Variants in TPCN2 observed in about 807,000 individuals in gnomAD.
The protein encoded by TPCN2 is two pore segment channel 2.
TPCN2 carries 92 observed loss-of-function variants against 111.4 expected under a neutral mutation model. The ratio of observed to expected loss-of-function variants is 0.83; its 90% CI spans 0.70 to 0.98. TPCN2 has a LOEUF of 0.98. TPCN2 is among the 50% of genes least tolerant of loss of function. The pLI, the probability that TPCN2 is intolerant of heterozygous loss-of-function variation, is 0.00. For synonymous variants in TPCN2, 405 were observed against 414.5 expected, an observed-to-expected ratio of 0.98 and a Z score of 0.28; for missense variants, 995 against 980.1, an observed-to-expected ratio of 1.02 and a Z score of -0.20.
At chr11:69,063,803 T>TTGGGCGCTCCTGTCAC in intron 6 of TPCN2, 92 bp from the exon 7 acceptor site, 1 of 1,262,980 alleles carries the variant, frequency 7.9e-7, no homozygotes, top group Non-Finnish European at 1.1e-6. Context: ...CTGCAGACTC[T>TTGGGCGCTCCTGTCAC]TGGGCGCTCC....
chr11:69,077,092 C>T (rs1019501760), intron 13 of TPCN2, among the ~76,000 whole-genome samples: 48 of 2,822 alleles, frequency 0.017, no homozygotes, highest in Non-Finnish European at 0.033. Flanking sequence ...GCCCTCCTGC[C>T]ATGTCCCTCC....
Position 69,070,485 on chromosome 11 carries a change from C to T in TPCN2, c.885C>T (p.Phe295=), listed in dbSNP as rs1259538361. The part of the protein sequence containing the change: ...NRAYAIFFIV[F]TVIGSLFLMN... ...CCTATGCCATCTTCTTCATAGTCTT[C>T]ACTGTGATAGGTGAGTGCAGGTAAC... The change falls in exon 9 of 25, where the codon TTC becomes TTT. Residue 295 remains phenylalanine (F), a synonymous_variant. Transcript: ENST00000294309. The T allele has an allele frequency of 1.2e-6, 2 of 1,608,192 alleles. No individual in the cohort carries two copies.
intron 5 of TPCN2, among the ~76,000 whole-genome samples, chr11:69,059,598 A>G (rs192066352): frequency 9.1e-4 from 139 of 152,058 alleles, no homozygotes; most frequent in Non-Finnish European, 1.6e-3. Flanking sequence ...AGGCTCTGGG[A>G]CCCTTCCTAC....
chr11:69,079,253 C>A (rs771354268), intron 16 of TPCN2: 1 of 558,646 alleles, frequency 1.8e-6, no homozygotes, highest in Non-Finnish European at 3.1e-6. Flanking sequence ...GGGGGGCAGG[C>A]TGCCCCTCCC....
intron 24 of TPCN2, among the ~76,000 whole-genome samples, chr11:69,087,419 T>C (rs1214332862): frequency 1.3e-5 from 2 of 152,188 alleles, no homozygotes; most frequent in African/African-American, 4.8e-5. Context: ...GCCTTTGTCC[T>C]GCTCTCCTGC....
At chr11:69,073,459 G>T (rs1164686128) in intron 13 of TPCN2, among the ~76,000 whole-genome samples, 2 of 152,258 alleles carry the variant, frequency 1.3e-5, no homozygotes, top group African/African-American at 4.8e-5. Flanking sequence ...CACAGGCAGT[G>T]TGGGGGCAGC....
At chr11:69,085,144 T>A (rs1426037968) in intron 19 of TPCN2, 66 bp from the exon 20 acceptor site, 5 of 1,439,660 alleles carry the variant, frequency 3.5e-6, no homozygotes, top group Non-Finnish European at 4.9e-6. Flanking sequence ...CGGTTCTGTC[T>A]GGGGAGGGTG....
chr11:69,079,208 T>C lies in TPCN2; in HGVS notation c.1539+188T>C, dbSNP rs954835415. On this transcript the variant is annotated intron_variant, in intron 16 of 24. Coordinates refer to ENST00000294309, the MANE Select transcript of TPCN2 (RefSeq NM_139075.4). ...CTCAGTGGGCAGCCGGTGAGGTCTT[T>C]AGGAGGCTGGGTTTCTACTGCATCC... 10 of 713,296 alleles carry C rather than the reference T, an allele frequency of 1.4e-5. No homozygotes were observed. The Admixed American group carries it at 1.6e-4, about 11-fold the overall frequency. The allele number at this position is 713,296 out of a possible 1,614,324, so 44.2% of individuals were successfully genotyped here. A position where few individuals can be genotyped will look rare whatever the true frequency, so the allele number is the denominator to read the frequency against.
Position 69,083,990 on chromosome 11 carries a change from A to T in TPCN2, c.1735A>T (p.Met579Leu). The change falls in exon 19 of 25, where the codon ATG becomes TTG. Residue 579 changes from methionine to leucine, a missense_variant. Met to Leu is a conservative substitution (Grantham distance 15). Transcript: ENST00000294309. ...ASTVLGLVQN[M>L]RAFGGILVVV... is the part of the protein sequence containing the mutation. ...TACCGTCCTGGGCCTGGTGCAGAAC[A>T]TGCGTGCGTTTGGCGGGATCCTGGT... The T allele has an allele frequency of 6.2e-7, 1 of 1,614,082 alleles. No individual in the cohort carries two copies. The highest frequency in any genetic ancestry group is 1.1e-5 in the South Asian group (1 of 91,084).
At chr11:69,061,690 A>C (rs968844976) in intron 5 of TPCN2, among the ~76,000 whole-genome samples, 1 of 151,796 alleles carries the variant, frequency 6.6e-6, no homozygotes, top group African/African-American at 2.4e-5. Flanking sequence ...CCCAGTGGCC[A>C]GGAGGGGAGG....
intron 5 of TPCN2, 58 bp from the exon 6 acceptor site, chr11:69,062,826 C>A: frequency 6.6e-7 from 1 of 1,525,244 alleles, no homozygotes; most frequent in South Asian, 1.1e-5. Context: ...CTGGGATGGT[C>A]GGTGAGGGGT....
chr11:69,064,427 G>A (rs913530264), intron 7 of TPCN2, among the ~76,000 whole-genome samples: 1 of 152,048 alleles, frequency 6.6e-6, no homozygotes, highest in Non-Finnish European at 1.5e-5. Context: ...AGCCCCCAAG[G>A]CTGCGCTGGC....
intron 2 of TPCN2, chr11:69,054,309 G>A (rs763079371): frequency 2.1e-4 from 125 of 591,210 alleles, no homozygotes; most frequent in South Asian, 1.5e-3. Context: ...TTGATGCACC[G>A]TGTTCTGAGG....
chr11:69,072,879 G>A (rs1416489167), intron 12 of TPCN2, 36 bp from the exon 13 acceptor site: 7 of 1,579,134 alleles, frequency 4.4e-6, no homozygotes, highest in African/African-American at 2.7e-5. Flanking sequence ...TCACCTTCCC[G>A]TGCGCCCCTG....
intron 13 of TPCN2, among the ~76,000 whole-genome samples, chr11:69,074,748 T>G (rs1034518611): frequency 6.6e-6 from 1 of 152,192 alleles, no homozygotes; most frequent in African/African-American, 2.4e-5. Context: ...ATAACTGATA[T>G]GACTAAAGGG....
Position 69,055,364 on chromosome 11 carries a change from G to A in TPCN2, c.429+12G>A, listed in dbSNP as rs1174159715. On this transcript the variant is annotated intron_variant, in intron 4 of 24. Coordinates refer to ENST00000294309, the MANE Select transcript of TPCN2 (RefSeq NM_139075.4). The stretch of plus-strand genomic sequence containing the variant: ...ACCTCTCTGTGAAGGTGAGGCGGGC[G>A]CCAGGCCCTCTACGTGCTGCCCCGG... The A allele has an allele frequency of 6.3e-6, 10 of 1,593,662 alleles. No homozygotes were observed. Among genetic ancestry groups the A allele is most frequent in the African/African-American group, 5.4e-5 (4 of 74,294 alleles).
chr11:69,059,832 CAG>C (rs1166559565), intron 5 of TPCN2, among the ~76,000 whole-genome samples: 1 of 152,214 alleles, frequency 6.6e-6, no homozygotes, highest in African/African-American at 2.4e-5. Flanking sequence ...CCTCTGTTGT[CAG>C]GGGGCTGTCT....
At chr11:69,064,151 G>T (rs944397429) in intron 7 of TPCN2, among the ~76,000 whole-genome samples, 184 bp downstream of exon 7, 1 of 152,048 alleles carries the variant, frequency 6.6e-6, no homozygotes, top group Non-Finnish European at 1.5e-5. Flanking sequence ...CCACCCCACT[G>T]CCCAGACACC....
chr11:69,086,485 T>C, intron 22 of TPCN2, 38 bp from the exon 23 acceptor site: 1 of 1,578,316 alleles, frequency 6.3e-7, no homozygotes, highest in Middle Eastern at 1.7e-4. Flanking sequence ...CTTGCTTTGC[T>C]CATCGTGGTT....
Sources: allele counts gnomAD v4.1 joint callset (sites outside exome capture counted in the v4.1 genomes callset), GRCh38; gene constraint gnomAD v4.1.1; transcripts MANE v1.5; gene names NCBI Gene and HGNC (gene_info 2026-07-23, HGNC 2026-07-21).